The following AGBL4 variants were observed in gnomAD, a reference collection of about 807,000 sequenced individuals.
AGBL4 encodes the protein cytosolic carboxypeptidase 6.
In AGBL4, 58 loss-of-function variants were observed where a neutral mutation model predicts 66.4. The observed-to-expected ratio is 0.87, with a 90% CI of 0.71 to 1.09. The LOEUF (loss-of-function observed/expected upper bound fraction) is 1.09. Ranked by LOEUF, AGBL4 falls within the 50% of genes least tolerant of loss-of-function variation. The pLI, the probability that AGBL4 is intolerant of heterozygous loss-of-function variation, is 0.00. For synonymous variants in AGBL4, 234 were observed against 222.9 expected (o/e 1.05, Z -0.44); for missense variants, 579 against 631.0 (o/e 0.92, Z 0.88).
At chr1:49,574,337 A>G (rs914367020) in intron 3 of AGBL4, among the ~76,000 whole-genome samples, 7 of 152,300 alleles carry the variant, frequency 4.6e-5, no homozygotes, top group Admixed American at 4.6e-4. Context: ...CGGAGTTAAA[A>G]AGAGGTTCTA....
intron 4 of AGBL4, among the ~76,000 whole-genome samples, chr1:49,187,894 G>A (rs1173590138): frequency 1.7e-4 from 26 of 152,108 alleles, no homozygotes; most frequent in East Asian, 5.8e-4. Flanking sequence ...CTTAGGTGTC[G>A]TGGGAGAAAC....
intron 3 of AGBL4, among the ~76,000 whole-genome samples, chr1:49,293,680 A>G (rs908258592): frequency 8.5e-5 from 13 of 152,174 alleles, no homozygotes; most frequent in Admixed American, 3.3e-4. Context: ...ATTTTATAAT[A>G]TCTCCTTAAC....
At chr1:49,175,069 C>T (rs1646807031) in intron 4 of AGBL4, 1 of 152,034 alleles carries the variant, frequency 6.6e-6, no homozygotes, top group Admixed American at 6.6e-5. Flanking sequence ...GTCCAAATTC[C>T]TTCATTATCT....
At chr1:48,770,801 A>G (rs1272061012) in intron 6 of AGBL4, among the ~76,000 whole-genome samples, 1 of 152,178 alleles carries the variant, frequency 6.6e-6, no homozygotes, top group Admixed American at 6.5e-5. Context: ...CCAGTCAGTT[A>G]CTAAGTCCCA....
intron 3 of AGBL4, among the ~76,000 whole-genome samples, chr1:49,403,786 A>C (rs1228395902): frequency 6.6e-6 from 1 of 152,036 alleles, no homozygotes; most frequent in Non-Finnish European, 1.5e-5. Flanking sequence ...TGCTTGATTT[A>C]TTTCTTGCTT....
intron 6 of AGBL4, among the ~76,000 whole-genome samples, chr1:48,732,447 T>C (rs1400781996): frequency 6.6e-6 from 1 of 152,126 alleles, no homozygotes; most frequent in East Asian, 1.9e-4. Context: ...TTAATTCTAA[T>C]GGAAGTGGGA....
intron 3 of AGBL4, among the ~76,000 whole-genome samples, chr1:49,530,376 G>C (rs1331586021): frequency 6.6e-6 from 1 of 150,616 alleles, no homozygotes. Flanking sequence ...GTGCCATGTT[G>C]GTGTGCTGCA....
intron 2 of AGBL4, among the ~76,000 whole-genome samples, chr1:49,726,539 A>G (rs1649044114): frequency 6.6e-6 from 1 of 152,202 alleles, no homozygotes; most frequent in African/African-American, 2.4e-5. Flanking sequence ...AATGATGAGA[A>G]GGAAATATTA....
chr1:48,671,626 T>C (rs1007750267), intron 6 of AGBL4, among the ~76,000 whole-genome samples: 7 of 152,244 alleles, frequency 4.6e-5, no homozygotes, highest in African/African-American at 1.7e-4. Flanking sequence ...TTCAGGTCTA[T>C]GTATATGACT....
intron 1 of AGBL4, among the ~76,000 whole-genome samples, chr1:50,009,121 A>G (rs1661344853): frequency 6.6e-6 from 1 of 152,206 alleles, no homozygotes; most frequent in Non-Finnish European, 1.5e-5. Context: ...GGAGAAGGGA[A>G]TACTTCTAAA....
chr1:48,806,265 T>A (rs1239241207), intron 6 of AGBL4, among the ~76,000 whole-genome samples: 1 of 152,148 alleles, frequency 6.6e-6, no homozygotes, highest in Non-Finnish European at 1.5e-5. Flanking sequence ...TCAATTCTCA[T>A]GTGAAGATGG....
At chr1:48,559,698 C>T (rs1303572660) in intron 11 of AGBL4, among the ~76,000 whole-genome samples, 1 of 152,096 alleles carries the variant, frequency 6.6e-6, no homozygotes, top group South Asian at 2.1e-4. Context: ...AAATTTTAGA[C>T]CCTCGAATGT....
intron 2 of AGBL4, among the ~76,000 whole-genome samples, chr1:49,766,339 AAGCTT>A (rs1018775808): frequency 1.4e-4 from 22 of 152,162 alleles, no homozygotes; most frequent in Non-Finnish European, 2.9e-4. Flanking sequence ...CTGCCAAACT[AAGCTT>A]ATAAGTGAAG....
At chr1:49,884,608 A>C (rs890810035) in intron 1 of AGBL4, among the ~76,000 whole-genome samples, 4 of 151,772 alleles carry the variant, frequency 2.6e-5, no homozygotes, top group African/African-American at 9.7e-5. Context: ...AGTATGCAAA[A>C]TATTTGTCCC....
intron 7 of AGBL4, among the ~76,000 whole-genome samples, chr1:48,661,867 G>T (rs780289848): frequency 6.6e-6 from 1 of 152,166 alleles, no homozygotes; most frequent in Admixed American, 6.5e-5. Flanking sequence ...GACAGATGGC[G>T]CAAGTAAAGG....
chr1:49,969,920 G>T (rs1300461462), intron 1 of AGBL4, among the ~76,000 whole-genome samples: 1 of 152,144 alleles, frequency 6.6e-6, no homozygotes, highest in Non-Finnish European at 1.5e-5. Flanking sequence ...CAATAGAACA[G>T]AACAGAGAAC....
rs192067956 is a variant in AGBL4, at chr1:48,807,553, G to A, written c.634+59638C>T. 2.3e-4 allele frequency among the ~76,000 whole-genome samples: 35 copies of A among 152,250 alleles called. 1 individual carries two copies. The East Asian group carries it at 4.8e-3, about 21-fold the overall frequency. ...GAGGTGAAAGTTGGGGTGTAGTGTT[G>A]TTTCTCCATCCCCAGTCTGCTTTGG... On this transcript the variant is annotated intron_variant, in intron 6 of 13. Transcript: ENST00000371839.
At chr1:48,602,403 G>C (rs1474016471) in intron 9 of AGBL4, among the ~76,000 whole-genome samples, 1 of 152,124 alleles carries the variant, frequency 6.6e-6, no homozygotes, top group Non-Finnish European at 1.5e-5. Flanking sequence ...CTGCTTTGCA[G>C]TATTCCTGTT....
At chr1:49,177,946 T>C (rs1348867635) in intron 4 of AGBL4, among the ~76,000 whole-genome samples, 1 of 152,178 alleles carries the variant, frequency 6.6e-6, no homozygotes, top group East Asian at 1.9e-4. Flanking sequence ...ACAGCAGGCC[T>C]ACATCTTCAG....
Sources: gnomAD v4.1 joint callset for allele counts (sites outside exome capture counted in the v4.1 genomes callset) on GRCh38, gnomAD v4.1.1 for gene constraint, MANE v1.5 for transcripts, NCBI Gene and HGNC (gene_info 2026-07-23, HGNC 2026-07-21) for gene names.